The following TERT variants were observed in gnomAD, a reference collection of about 807,000 sequenced individuals.
TERT encodes the protein telomerase catalytic subunit.
A neutral mutation model predicts 104.0 loss-of-function variants in TERT; 42 were observed. That is an observed-to-expected ratio of 0.40 (90% CI 0.32 to 0.52). The LOEUF (loss-of-function observed/expected upper bound fraction) is 0.52, where lower values mean the gene tolerates loss of function less well. Ranked by LOEUF, TERT falls within the 20% of genes least tolerant of loss-of-function variation. TERT has a pLI of 0.43. For missense variants in TERT, 1,101 were observed against 1,610.3 expected (o/e 0.68, Z 5.41); for synonymous variants, 781 against 725.6 (o/e 1.08, Z -1.23).
chr5:1,271,265 C>A, intron 7 of TERT, 61 bp from the exon 8 acceptor site: 1 of 1,268,468 alleles, frequency 7.9e-7, no homozygotes, highest in Non-Finnish European at 1.1e-6. Context: ...CAGGCAGGAC[C>A]ACGTGGCCAA....
rs1164292458 is a variant in TERT, at chr5:1,268,658, A to G, written c.2469-25T>C. 5.8e-6 allele frequency: 9 copies of G among 1,563,062 alleles called. No homozygotes were observed. The highest frequency in any genetic ancestry group is 7.9e-6 in the Non-Finnish European group (9 of 1,135,318). ...CCTGGGGCGGGAAGACACAGGTGAG[A>G]GACGGGCAGGGCATGTGCTGGACAT... On this transcript the variant is annotated intron_variant, in intron 8 of 15. Coordinates refer to ENST00000310581, the MANE Select transcript of TERT (RefSeq NM_198253.3). This position sits in a 1 kb window ranked among gnomAD's most constrained non-coding sequence, Gnocchi z 5.5.
In TERT at chr5:1,269,964, C is replaced by T. The variant is rs1204709775; in HGVS notation, c.2468+1155G>A. 6.6e-6 allele frequency among the ~76,000 whole-genome samples: 1 copy of T among 152,174 alleles called. No homozygotes were observed. Among genetic ancestry groups the T allele is most frequent in the Non-Finnish European group, 1.5e-5 (1 of 68,044 alleles). ...GGACGCAGTCATCACCTCACATTCC[C>T]CAAAGCCCTGCCACACGTGGACGGT... On this transcript the variant is annotated intron_variant, in intron 8 of 15. Transcript: ENST00000310581. This position sits in a 1 kb window ranked among gnomAD's most constrained non-coding sequence, Gnocchi z 9.0.
In TERT at chr5:1,270,757, C is replaced by T. The variant is rs34146029; in HGVS notation, c.2468+362G>A. ...GAGAGAGATACAAGCGTGTGAGAGC[C>T]GGGTGTCCAGCGTCAGTAGTAACTT... On this transcript the variant is annotated intron_variant, in intron 8 of 15. Transcript: ENST00000310581. The surrounding 1 kb of genome is among the most constrained non-coding windows in gnomAD (Gnocchi z 8.3). Among the ~76,000 whole-genome samples, 82 of 152,374 alleles carry T rather than the reference C, an allele frequency of 5.4e-4. 1 individual carries two copies. The East Asian group carries it at 0.014, about 25-fold the overall frequency.
rs549656839 is a variant in TERT, at chr5:1,294,244, C to T, written c.642G>A (p.Leu214=). The change falls in exon 2 of 16, where the codon CTG becomes CTA. Residue 214 remains leucine (L), a synonymous_variant. Transcript: ENST00000310581. ...TCCTCGCACCCGGGGCTGGCAGGCC[C>T]AGGGGGACCCCGGCCTCCCTGACGC... ...NHSVREAGVP[L]GLPAPGARRR... is the part of the protein sequence containing the mutation. 35 of 1,589,834 alleles carry T rather than the reference C, an allele frequency of 2.2e-5. No individual in the cohort carries two copies. In the African/African-American group the frequency reaches 3.2e-4, roughly 15 times the overall value.
Position 1,256,419 on chromosome 5 carries a change from G to A in TERT, c.3033-1008C>T, listed in dbSNP as rs1038617552. Among the ~76,000 whole-genome samples, 24 of 151,866 alleles carry A rather than the reference G, an allele frequency of 1.6e-4. No individual in the cohort carries two copies. Among genetic ancestry groups the A allele is most frequent in the African/African-American group, 5.1e-4 (21 of 41,288 alleles). ...CATGTGCACATGTGCTCATATGTGC[G>A]TGTGATCAGAGCCCCCGTGTACCTG... On this transcript the variant is annotated intron_variant, in intron 13 of 15. Coordinates refer to ENST00000310581, the MANE Select transcript of TERT (RefSeq NM_198253.3). The surrounding 1 kb of genome is among the most constrained non-coding windows in gnomAD (Gnocchi z 7.0).
intron 12 of TERT, among the ~76,000 whole-genome samples, chr5:1,260,261 C>G (rs1321140319): frequency 2.0e-5 from 3 of 152,246 alleles, no homozygotes; most frequent in African/African-American, 7.2e-5. Context: ...CATGTGCACA[C>G]ACTTGTGCCC....
At chr5:1,266,407 C>T in intron 10 of TERT, 57 bp downstream of exon 10, 1 of 1,462,326 alleles carries the variant, frequency 6.8e-7, no homozygotes, top group African/African-American at 1.4e-5. Context: ...ACGGGGGGCT[C>T]AACTGCAAAG....
Position 1,279,521 on chromosome 5 carries a change from C to T in TERT, c.1951-51G>A, listed in dbSNP as rs987866903. ...TCAGGAAAGTGGATCCGGCCAAGTG[C>T]CCACCCCACCATAGGGACCCAGGGG... On this transcript the variant is annotated intron_variant, in intron 4 of 15. Coordinates refer to ENST00000310581, the MANE Select transcript of TERT (RefSeq NM_198253.3). 3.3e-6 allele frequency: 5 copies of T among 1,531,240 alleles called. No individual in the cohort carries two copies. The Admixed American group carries it at 7.8e-5, about 24-fold the overall frequency. The allele number at this position is 1,531,240 out of a possible 1,614,324, so 94.9% of individuals were successfully genotyped here.
In TERT at chr5:1,270,990, G is replaced by A. The variant is rs1748987560; in HGVS notation, c.2468+129C>T. Reference sequence around the variant, plus strand: ...AGCCCAGGAGCCGGAGGGGGCGGGGGCCAGAAAAGGAGACTCTGGTGGCCC... The same window carrying A: ...AGCCCAGGAGCCGGAGGGGGCGGGGACCAGAAAAGGAGACTCTGGTGGCCC... On this transcript the variant is annotated intron_variant, in intron 8 of 15. Coordinates refer to ENST00000310581, the MANE Select transcript of TERT (RefSeq NM_198253.3). This position sits in a 1 kb window ranked among gnomAD's most constrained non-coding sequence, Gnocchi z 8.3. 1 of 739,610 alleles carries A rather than the reference G, an allele frequency of 1.4e-6. No individual in the cohort carries two copies. The highest frequency in any genetic ancestry group is 2.2e-5 in the Admixed American group (1 of 44,732). 45.8% of individuals were successfully genotyped at this position (739,610 alleles called of 1,614,324 possible). A position where few individuals can be genotyped will look rare whatever the true frequency, so the allele number is the denominator to read the frequency against.
In TERT at chr5:1,265,088, G is replaced by A. The variant is rs1185124862; in HGVS notation, c.2655-496C>T. ...GAGGGTTCTGAGTTCCTGCTCAGGC[G>A]CGGGACCTGGCTGGGCTGTGAGCTG... is the stretch of plus-strand genomic sequence containing the variant. On this transcript the variant is annotated intron_variant, in intron 10 of 15. Coordinates refer to ENST00000310581, the MANE Select transcript of TERT (RefSeq NM_198253.3). This position sits in a 1 kb window ranked among gnomAD's most constrained non-coding sequence, Gnocchi z 6.9. Among the ~76,000 whole-genome samples the A allele has an allele frequency of 2.0e-5, 3 of 152,188 alleles. No homozygotes were observed. Among genetic ancestry groups the A allele is most frequent in the Non-Finnish European group, 2.9e-5 (2 of 68,026 alleles).
Position 1,282,462 on chromosome 5 carries a change from C to T in TERT, c.1736G>A (p.Ser579Asn). The change falls in exon 3 of 16, where the codon AGT (serine) becomes AAT (asparagine). Residue 579 changes from serine (S) to asparagine (N), a missense_variant. Physicochemically the swap from Ser to Asn is conservative, Grantham distance 46. Coordinates refer to ENST00000310581, the MANE Select transcript of TERT (RefSeq NM_198253.3). ...QKNRLFFYRK[S>N]VWSKLQSIGI... Reference sequence around the variant, plus strand: ...AATGCTTTGCAACTTGCTCCAGACACTCTTCCGGTAGAAAAAGAGCCTGTT... The same window carrying T: ...AATGCTTTGCAACTTGCTCCAGACATTCTTCCGGTAGAAAAAGAGCCTGTT... 1.2e-6 allele frequency: 2 copies of T among 1,614,194 alleles called. No individual in the cohort carries two copies. Among genetic ancestry groups the T allele is most frequent in the Non-Finnish European group, 1.7e-6 (2 of 1,180,032 alleles).
rs1348050163 is a variant in TERT at position 1,255,875 on chromosome 5, G to GTGCATAAACCCTC, written c.3033-465_3033-464insGAGGGTTTATGCA. ...CCCTTCTGAGCCACCCGCCCCTGTG[G>GTGCATAAACCCTC]TGCATAAACCCTGGGTCTGGGGTGA... On this transcript the variant is annotated intron_variant, in intron 13 of 15. Coordinates refer to ENST00000310581, the MANE Select transcript of TERT (RefSeq NM_198253.3). This position sits in a 1 kb window ranked among gnomAD's most constrained non-coding sequence, Gnocchi z 6.9. 6.6e-6 allele frequency among the ~76,000 whole-genome samples: 1 copy of GTGCATAAACCCTC among 151,952 alleles called. No individual in the cohort carries two copies. Among genetic ancestry groups the GTGCATAAACCCTC allele is most frequent in the Non-Finnish European group, 1.5e-5 (1 of 68,000 alleles).
intron 6 of TERT, among the ~76,000 whole-genome samples, chr5:1,277,074 GC>G (rs757479386): frequency 3.3e-5 from 5 of 152,220 alleles, no homozygotes; most frequent in Non-Finnish European, 5.9e-5. Flanking sequence ...TCCCGCAAGA[GC>G]CCCGGGGCGG....
chr5:1,282,551 C>G lies in TERT; in HGVS notation c.1647G>C (p.Met549Ile). Reference sequence around the variant, plus strand: ...TGAGCAGCTCGACGACGTACACACTCATCAGCCAGTGCAGGAACTTGGCCA... The same window carrying G: ...TGAGCAGCTCGACGACGTACACACTGATCAGCCAGTGCAGGAACTTGGCCA... ...EILAKFLHWL[M>I]SVYVVELLRS... Residue 549 changes from methionine to isoleucine, a missense_variant, in exon 3 of 16, where the codon ATG becomes ATC. Transcript: ENST00000310581. The G allele has an allele frequency of 1.9e-6, 3 of 1,614,166 alleles. No homozygotes were observed. The highest frequency in any genetic ancestry group is 2.5e-6 in the Non-Finnish European group (3 of 1,180,036).
At chr5:1,289,383 C>G (rs1750718000) in intron 2 of TERT, among the ~76,000 whole-genome samples, 1 of 130,674 alleles carries the variant, frequency 7.7e-6, no homozygotes, top group Non-Finnish European at 1.7e-5. Flanking sequence ...GGGACGGGGC[C>G]TCACTCACCC....
In TERT at chr5:1,294,348, C is replaced by G; in HGVS notation, c.538G>C (p.Ala180Pro). The G allele has an allele frequency of 6.3e-7, 1 of 1,577,348 alleles. No homozygotes were observed. ...VCGPPLYQLG[A>P]ATQARPPPHA... ...GGCGGGGGCCGGGCCTGAGTGGCAGCGCCGAGCTGGTACAGCGGCGGCCCG... is the reference window on the plus strand; with the variant it reads ...GGCGGGGGCCGGGCCTGAGTGGCAGGGCCGAGCTGGTACAGCGGCGGCCCG... Residue 180 changes from alanine (A) to proline (P), a missense_variant, in exon 2 of 16, where the codon GCT becomes CCT. Transcript: ENST00000310581.
In TERT at chr5:1,254,425, G is replaced by A. The variant is rs1429555334; in HGVS notation, c.3238C>T (p.Leu1080Phe). 4 of 1,613,050 alleles carry A rather than the reference G, an allele frequency of 2.5e-6. No homozygotes were observed. In the South Asian group the frequency reaches 3.3e-5, roughly 13 times the overall value. Residue 1080 changes from leucine to phenylalanine, a missense_variant, in exon 15 of 16, where the codon CTC becomes TTC. Transcript: ENST00000310581. ...GTGACACGGTGTCGAGTCAGCTTGA[G>A]CAGGAATGCTTGGTGGCACAGCCAC... ...VQWLCHQAFL[L>F]KLTRHRVTYV...
intron 12 of TERT, 97 bp downstream of exon 12, chr5:1,260,377 C>T (rs1031857544): frequency 8.2e-6 from 13 of 1,584,272 alleles, no homozygotes; most frequent in Admixed American, 6.7e-5. Context: ...CAGCCAGTCA[C>T]CATCAGCCTT....
chr5:1,273,937 A>G (rs1461570615), intron 6 of TERT, among the ~76,000 whole-genome samples: 1 of 152,112 alleles, frequency 6.6e-6, no homozygotes, highest in Non-Finnish European at 1.5e-5. Context: ...CAGCACAGGC[A>G]GGAGAAGAGT....
Sources: gnomAD v4.1 joint callset for allele counts (sites outside exome capture counted in the v4.1 genomes callset) on GRCh38, gnomAD v4.1.1 for gene constraint, Gnocchi (gnomAD v3.1) non-coding constraint, MANE v1.5 for transcripts, NCBI Gene and HGNC (gene_info 2026-07-23, HGNC 2026-07-21) for gene names.